The following PPP1R1A variants were observed in gnomAD, a reference collection of about 807,000 sequenced individuals.
PPP1R1A encodes the protein protein phosphatase 1 regulatory inhibitor subunit 1A.
PPP1R1A carries 18 observed loss-of-function variants against 23.9 expected under a neutral mutation model. The observed-to-expected ratio is 0.75, with a 90% CI of 0.52 to 1.12. PPP1R1A has a LOEUF of 1.12. Among genes scored for constraint, PPP1R1A ranks in the 50% most tolerant of loss-of-function variants. The pLI is 0.00. For missense variants in PPP1R1A, 207 were observed against 223.8 expected (o/e 0.92, Z 0.48); for synonymous variants, 84 against 80.7 (o/e 1.04, Z -0.22).
intron 1 of PPP1R1A, 47 bp from the exon 2 acceptor site, chr12:54,584,367 C>T (rs1339685319): frequency 6.7e-7 from 1 of 1,498,948 alleles, no homozygotes; most frequent in Non-Finnish European, 9.1e-7. Flanking sequence ...CACGTGGAAG[C>T]ATCAAAGCCC....
chr12:54,586,776 T>A (rs2121217451), intron 1 of PPP1R1A, among the ~76,000 whole-genome samples: 1 of 152,138 alleles, frequency 6.6e-6, no homozygotes, highest in South Asian at 2.1e-4. Flanking sequence ...GCCTTCCTCC[T>A]CCTCCTCCCT....
At chr12:54,583,413 C>G (rs780677954) in intron 2 of PPP1R1A, among the ~76,000 whole-genome samples, 165 bp from the exon 3 acceptor site, 1 of 152,166 alleles carries the variant, frequency 6.6e-6, no homozygotes, top group African/African-American at 2.4e-5. Flanking sequence ...ACCTCCTCCC[C>G]GAAGCTCCTC....
chr12:54,580,051 C>T lies in PPP1R1A; in HGVS notation c.*336G>A. 1 of 1,048,856 alleles carries T rather than the reference C, an allele frequency of 9.5e-7. No individual in the cohort carries two copies. Among genetic ancestry groups the T allele is most frequent in the Non-Finnish European group, 1.2e-6 (1 of 868,882 alleles). 65.0% of individuals were successfully genotyped at this position (1,048,856 alleles called of 1,614,324 possible). A position where few individuals can be genotyped will look rare whatever the true frequency, so the allele number is the denominator to read the frequency against. On this transcript the variant is annotated 3_prime_UTR_variant, in exon 7 of 7. Coordinates refer to ENST00000257905, the MANE Select transcript of PPP1R1A (RefSeq NM_006741.4). ...CTTCTTGGCACCCTGGAAGTTAGTC[C>T]TCCCACCTATCTGACCCTCATCTCT...
At chr12:54,584,000 G>A (rs551232434) in intron 2 of PPP1R1A, among the ~76,000 whole-genome samples, 3 of 152,194 alleles carry the variant, frequency 2.0e-5, no homozygotes, top group East Asian at 1.9e-4. Context: ...GGCTGTTGTC[G>A]CAGCAACCAG....
At position 54,581,891 on chromosome 12, in the gene PPP1R1A, C is replaced by T; in HGVS notation, c.403+85G>A. ...ACTAGGCCTCTCCCAGGCTCCAACT[C>T]TTTCCCCTCCCCGCAGTGGGTAAGG... On this transcript the variant is annotated intron_variant, in intron 5 of 6. Transcript: ENST00000257905. This position sits in a 1 kb window ranked among gnomAD's most constrained non-coding sequence, Gnocchi z 4.1. 6.7e-7 allele frequency: 1 copy of T among 1,483,524 alleles called. No homozygotes were observed. The highest frequency in any genetic ancestry group is 1.4e-5 in the South Asian group (1 of 72,608). The allele number at this position is 1,483,524 out of a possible 1,614,324, so 91.9% of individuals were successfully genotyped here.
At chr12:54,583,286 G>T in intron 2 of PPP1R1A, 38 bp from the exon 3 acceptor site, 1 of 1,459,340 alleles carries the variant, frequency 6.9e-7, no homozygotes, top group African/African-American at 1.5e-5. Flanking sequence ...GATAAGGACA[G>T]GAAACCAGGG....
At chr12:54,588,256 A>ACCCCCCCCCCCCCCC (rs142801029) in intron 1 of PPP1R1A, 149 bp downstream of exon 1, 7 of 181,490 alleles carry the variant, frequency 3.9e-5, no homozygotes, top group South Asian at 3.2e-4. Context: ...GGGACAGAAG[A>ACCCCCCCCCCCCCCC]CCCCCCCCCG....
At chr12:54,582,709 G>C (rs1408096048) in intron 4 of PPP1R1A, 23 bp downstream of exon 4, 1 of 1,611,416 alleles carries the variant, frequency 6.2e-7, no homozygotes. Flanking sequence ...AGGAGAAAAA[G>C]GGATGGGAGG....
chr12:54,581,782 G>A lies in PPP1R1A; in HGVS notation c.403+194C>T, dbSNP rs1592181910. Reference sequence around the variant, plus strand: ...GAGGTTCAAGTTGGGAGGGCTTGGTGTCACTCAGTAAGGAAAAGTGAAGAT... The same window carrying A: ...GAGGTTCAAGTTGGGAGGGCTTGGTATCACTCAGTAAGGAAAAGTGAAGAT... On this transcript the variant is annotated intron_variant, in intron 5 of 6. Transcript: ENST00000257905. This position sits in a 1 kb window ranked among gnomAD's most constrained non-coding sequence, Gnocchi z 4.1. 1.3e-5 allele frequency among the ~76,000 whole-genome samples: 2 copies of A among 152,210 alleles called. No individual in the cohort carries two copies. The highest frequency in any genetic ancestry group is 3.8e-4 in the East Asian group (2 of 5,202).
chr12:54,587,839 G>C (rs1957925544), intron 1 of PPP1R1A, among the ~76,000 whole-genome samples: 1 of 151,948 alleles, frequency 6.6e-6, no homozygotes, highest in South Asian at 2.1e-4. Context: ...CCTCTCCCTG[G>C]AGCCCCAGCC....
At chr12:54,584,939 C>G (rs1957894392) in intron 1 of PPP1R1A, among the ~76,000 whole-genome samples, 1 of 152,170 alleles carries the variant, frequency 6.6e-6, no homozygotes, top group African/African-American at 2.4e-5. Flanking sequence ...ATGCATTGAT[C>G]TCTGGCTTGC....
At chr12:54,584,354 G>GT (rs1469462930) in intron 1 of PPP1R1A, 34 bp from the exon 2 acceptor site, 4 of 1,550,718 alleles carry the variant, frequency 2.6e-6, no homozygotes, top group Non-Finnish European at 3.5e-6. Context: ...AAGAGGTCAA[G>GT]TACACGTGGA....
chr12:54,579,637 T>A lies in PPP1R1A; in HGVS notation c.*750A>T. ...GGTCTTATCTGGGCCCCTCAATGTC[T>A]AGGACAAGGGAACCCTTCCAGTCTC... On this transcript the variant is annotated 3_prime_UTR_variant, in exon 7 of 7. Coordinates refer to ENST00000257905, the MANE Select transcript of PPP1R1A (RefSeq NM_006741.4). The A allele has an allele frequency of 1.0e-6, 1 of 985,434 alleles. No homozygotes were observed. Among genetic ancestry groups the A allele is most frequent in the Non-Finnish European group, 1.2e-6 (1 of 829,980 alleles). 61.0% of individuals were successfully genotyped at this position (985,434 alleles called of 1,614,324 possible).
Position 54,581,164 on chromosome 12 carries a change from G to A in PPP1R1A, c.404-114C>T. 2.7e-6 allele frequency: 2 copies of A among 751,206 alleles called. No individual in the cohort carries two copies. The highest frequency in any genetic ancestry group is 4.5e-6 in the Non-Finnish European group (2 of 446,130). The allele number at this position is 751,206 out of a possible 1,614,324, so 46.5% of individuals were successfully genotyped here. A position where few individuals can be genotyped will look rare whatever the true frequency, so the allele number is the denominator to read the frequency against. On this transcript the variant is annotated intron_variant, in intron 5 of 6. Coordinates refer to ENST00000257905, the MANE Select transcript of PPP1R1A (RefSeq NM_006741.4). This position sits in a 1 kb window ranked among gnomAD's most constrained non-coding sequence, Gnocchi z 4.1. ...CCAGTGGCCCCTGAGAGGGCCCCAG[G>A]ACCAAGTTGGGTGCAATCAGGCAAG... is the stretch of plus-strand genomic sequence containing the variant.
chr12:54,584,514 A>C (rs1957889569), intron 1 of PPP1R1A, among the ~76,000 whole-genome samples, 194 bp from the exon 2 acceptor site: 1 of 152,154 alleles, frequency 6.6e-6, no homozygotes, highest in Admixed American at 6.5e-5. Context: ...GCGTGTTCTC[A>C]CTTATAAGTG....
chr12:54,587,874 C>T (rs527853042), intron 1 of PPP1R1A, among the ~76,000 whole-genome samples: 3 of 152,152 alleles, frequency 2.0e-5, no homozygotes, highest in Non-Finnish European at 4.4e-5. Context: ...CAGTCCCTTC[C>T]TGTTATCACT....
intron 2 of PPP1R1A, 92 bp from the exon 3 acceptor site, chr12:54,583,340 A>G (rs1957877500): frequency 1.6e-6 from 2 of 1,219,478 alleles, no homozygotes; most frequent in African/African-American, 1.6e-5. Context: ...TTCTGCAGCC[A>G]TGCTCCTCCT....
chr12:54,587,934 G>T (rs1957926306), intron 1 of PPP1R1A, among the ~76,000 whole-genome samples: 1 of 152,002 alleles, frequency 6.6e-6, no homozygotes, highest in Non-Finnish European at 1.5e-5. Context: ...AGGGAGAGCT[G>T]TTTCTCCTCT....
intron 1 of PPP1R1A, among the ~76,000 whole-genome samples, chr12:54,585,094 C>T (rs1166022065): frequency 6.6e-6 from 1 of 152,176 alleles, no homozygotes; most frequent in Non-Finnish European, 1.5e-5. Context: ...TCAAGCGCCC[C>T]CCAGCCTGGG....
Sources: allele counts gnomAD v4.1 joint callset (sites outside exome capture counted in the v4.1 genomes callset), GRCh38; gene constraint gnomAD v4.1.1; non-coding constraint Gnocchi (gnomAD v3.1); transcripts MANE v1.5; gene names NCBI Gene and HGNC (gene_info 2026-07-23, HGNC 2026-07-21).